The following ADAMTS20 variants were observed in gnomAD, a reference collection of about 807,000 sequenced individuals.
ADAMTS20 encodes ADAM metallopeptidase with thrombospondin type 1 motif 20.
In ADAMTS20, 225 loss-of-function variants were observed where a neutral mutation model predicts 260.1. The observed-to-expected ratio is 0.87, with a 90% confidence interval of 0.78 to 0.97. The LOEUF is 0.97. ADAMTS20 is among the 50% of genes least tolerant of loss of function. ADAMTS20 has a pLI of 0.00. For synonymous variants in ADAMTS20, 802 were observed against 769.5 expected, an observed-to-expected ratio of 1.04 and a Z score of -0.70; for missense variants, 2,400 against 2,337.7, an observed-to-expected ratio of 1.03 and a Z score of -0.55.
At chr12:43,451,876 A>G (rs1186779987) in intron 14 of ADAMTS20, among the ~76,000 whole-genome samples, 4 of 152,160 alleles carry the variant, frequency 2.6e-5, no homozygotes, top group African/African-American at 9.7e-5. Context: ...AGAGCTGGAA[A>G]GAGGAAGGGA....
At chr12:43,401,539 A>G (rs550519736) in intron 28 of ADAMTS20, among the ~76,000 whole-genome samples, 6 of 151,922 alleles carry the variant, frequency 3.9e-5, no homozygotes, top group South Asian at 2.1e-4. Flanking sequence ...GTTAATAATT[A>G]TTTTTCAAGA....
At position 43,551,593 on chromosome 12, in the gene ADAMTS20, C is replaced by T. The variant is rs546087216; in HGVS notation, c.91+238G>A. ...TCGTTCCCTCCGGGTGCAAGCGACC[C>T]CCTGCCCCTTGCGCCCCCGCCGTGT... On this transcript the variant is annotated intron_variant, in intron 1 of 38. Transcript: ENST00000389420. This position sits in a 1 kb window ranked among gnomAD's most constrained non-coding sequence, Gnocchi z 4.6. Among the ~76,000 whole-genome samples, 1 of 152,328 alleles carries T rather than the reference C, an allele frequency of 6.6e-6. No homozygotes were observed. Among genetic ancestry groups the T allele is most frequent in the Admixed American group, 6.5e-5 (1 of 15,312 alleles).
chr12:43,353,133 G>A (rs1423360873), downstream of ADAMTS20, among the ~76,000 whole-genome samples: 1 of 151,456 alleles, frequency 6.6e-6, no homozygotes, highest in Non-Finnish European at 1.5e-5. Context: ...TCTTTCAAAA[G>A]TATATTATTA....
chr12:43,538,953 C>CTTTTT (rs36106874), intron 2 of ADAMTS20, among the ~76,000 whole-genome samples: 11,504 of 117,202 alleles, frequency 0.098, 792 homozygotes, highest in African/African-American at 0.17. Context: ...TATGAACATT[C>CTTTTT]TTTTTTTTTT....
At chr12:43,424,409 A>T (rs1000457071) in intron 28 of ADAMTS20, among the ~76,000 whole-genome samples, 3 of 152,164 alleles carry the variant, frequency 2.0e-5, no homozygotes, top group Non-Finnish European at 4.4e-5. Context: ...TAACTCCACA[A>T]AGTGGGAGAA....
At chr12:43,401,795 C>T (rs1940815773) in intron 28 of ADAMTS20, among the ~76,000 whole-genome samples, 1 of 150,108 alleles carries the variant, frequency 6.7e-6, no homozygotes. Flanking sequence ...TAATAGCAAA[C>T]CAAACTTATA....
intron 28 of ADAMTS20, among the ~76,000 whole-genome samples, chr12:43,405,227 T>TAAAAA (rs1565683116): frequency 2.3e-3 from 26 of 11,550 alleles, no homozygotes; most frequent in African/African-American, 5.6e-3. Flanking sequence ...ACCTCATCTC[T>TAAAAA]ACAAAAAAAA....
intron 7 of ADAMTS20, among the ~76,000 whole-genome samples, chr12:43,478,449 A>G (rs1316728541): frequency 6.6e-6 from 1 of 152,104 alleles, no homozygotes; most frequent in African/African-American, 2.4e-5. Context: ...GAAAACAGAT[A>G]AAATAATAGG....
chr12:43,359,061 C>G (rs1334369607), intron 37 of ADAMTS20, among the ~76,000 whole-genome samples: 1 of 152,114 alleles, frequency 6.6e-6, no homozygotes, highest in Non-Finnish European at 1.5e-5. Context: ...CTGTCTCTCT[C>G]TCCATACATG....
intron 4 of ADAMTS20, 28 bp downstream of exon 4, chr12:43,502,124 A>G (rs775742139): frequency 6.6e-7 from 1 of 1,509,136 alleles, no homozygotes; most frequent in Admixed American, 2.8e-5. Context: ...ATTTTAGGAA[A>G]TATAAAAGTC....
chr12:43,544,111 A>C (rs1164207373), intron 2 of ADAMTS20, among the ~76,000 whole-genome samples: 1 of 152,202 alleles, frequency 6.6e-6, no homozygotes, highest in Non-Finnish European at 1.5e-5. Flanking sequence ...TATTTCATAG[A>C]AAACAGTAAT....
chr12:43,521,873 G>A (rs1186285892), intron 3 of ADAMTS20, among the ~76,000 whole-genome samples: 1 of 151,994 alleles, frequency 6.6e-6, no homozygotes, highest in Non-Finnish European at 1.5e-5. Flanking sequence ...TCAGGACTTA[G>A]AAGATACAAA....
chr12:43,500,249 G>A (rs572799712), intron 4 of ADAMTS20, among the ~76,000 whole-genome samples: 17 of 152,066 alleles, frequency 1.1e-4, no homozygotes, highest in African/African-American at 3.1e-4. Context: ...GACTGGTCTC[G>A]AACTCCTGAC....
intron 36 of ADAMTS20, 133 bp from the exon 37 acceptor site, chr12:43,369,514 A>C: frequency 9.4e-6 from 3 of 319,558 alleles, no homozygotes; most frequent in Non-Finnish European, 1.6e-5. Flanking sequence ...TTAAGCACAA[A>C]TGCCACAATT....
chr12:43,411,449 C>T (rs528745717), intron 28 of ADAMTS20, among the ~76,000 whole-genome samples: 1 of 152,258 alleles, frequency 6.6e-6, no homozygotes, highest in East Asian at 1.9e-4. Flanking sequence ...CTCACTGCAA[C>T]GTGTGCCTCC....
chr12:43,452,729 G>A (rs1283276515), intron 12 of ADAMTS20, 34 bp from the exon 13 acceptor site: 3 of 1,521,928 alleles, frequency 2.0e-6, no homozygotes, highest in East Asian at 2.3e-5. Context: ...AAGCACATCA[G>A]TACAACATTA....
chr12:43,365,093 G>A (rs187879842), intron 37 of ADAMTS20, among the ~76,000 whole-genome samples: 6 of 152,164 alleles, frequency 3.9e-5, no homozygotes, highest in Admixed American at 2.0e-4. Flanking sequence ...TCAGACAGCA[G>A]TGTGATGACA....
At chr12:43,443,466 C>T (rs1021522) in intron 16 of ADAMTS20, among the ~76,000 whole-genome samples, 116,683 of 152,012 alleles carry the variant, frequency 0.77, 46,023 homozygotes, top group East Asian at 1. Flanking sequence ...AAGAATTCTA[C>T]AATTAATATT....
Position 43,468,688 on chromosome 12 carries a change from T to C in ADAMTS20, c.1135A>G (p.Thr379Ala), listed in dbSNP as rs1942199030. 6.3e-7 allele frequency: 1 copy of C among 1,588,834 alleles called. No homozygotes were observed. Among genetic ancestry groups the C allele is most frequent in the East Asian group, 2.2e-5 (1 of 44,638 alleles). ...CNMLGLSYLG[T>A]ICDPLQSCFI... is the part of the protein sequence containing the mutation. ...CAGCTTTGTAAAGGATCACATATGG[T>C]ACCTAAATATGATAAACCTGAAAAA... Residue 379 changes from threonine to alanine, a missense_variant, in exon 8 of 39, where the codon ACC becomes GCC. Coordinates refer to ENST00000389420, the MANE Select transcript of ADAMTS20 (RefSeq NM_025003.5).
Sources: allele counts gnomAD v4.1 joint callset (sites outside exome capture counted in the v4.1 genomes callset), GRCh38; gene constraint gnomAD v4.1.1; non-coding constraint Gnocchi (gnomAD v3.1); transcripts MANE v1.5; gene names NCBI Gene and HGNC (gene_info 2026-07-23, HGNC 2026-07-21).